ZNF174: variants seen among roughly 807,000 people sequenced by gnomAD.
The protein encoded by ZNF174 is zinc finger protein 174.
ZNF174 carries 30 observed loss-of-function variants against 38.7 expected under a neutral mutation model. That is an observed-to-expected ratio of 0.78 (90% confidence interval 0.58 to 1.05). The LOEUF is 1.05. Among genes scored for constraint, ZNF174 ranks in the 50% least tolerant of loss-of-function variants. The pLI is 0.00. For synonymous variants in ZNF174, 201 were observed against 181.7 expected (o/e 1.11, Z -0.86); for missense variants, 499 against 495.6 (o/e 1.01, Z -0.06).
Position 3,401,588 on chromosome 16 carries a change from G to C in ZNF174, c.-417G>C, listed in dbSNP as rs2033902358. 5.5e-6 allele frequency: 1 copy of C among 181,828 alleles called. No homozygotes were observed. Among genetic ancestry groups the C allele is most frequent in the African/African-American group, 2.4e-5 (1 of 41,630 alleles). 11.3% of individuals were successfully genotyped at this position (181,828 alleles called of 1,614,324 possible). A position where few individuals can be genotyped will look rare whatever the true frequency, so the allele number is the denominator to read the frequency against. Reference sequence around the variant, plus strand: ...CATGCACCCGGTCGGTTTCCGCCAGGATGCGGGAGAGTTGGGGCAAGCTAC... The same window carrying C: ...CATGCACCCGGTCGGTTTCCGCCAGCATGCGGGAGAGTTGGGGCAAGCTAC... On this transcript the variant is annotated 5_prime_UTR_variant, in exon 1 of 3. Transcript: ENST00000268655.
In ZNF174 at chr16:3,404,918, T is replaced by C. The variant is rs769899890; in HGVS notation, c.625+270T>C. 7.4e-6 allele frequency: 12 copies of C among 1,613,888 alleles called. No homozygotes were observed. The African/African-American group carries it at 9.3e-5, about 13-fold the overall frequency. ...TTTCTGTCCGTTTCAGAACTTCTTA[T>C]AGAAAAGACAGATCCAAATATGGCC... is the stretch of plus-strand genomic sequence containing the variant. On this transcript the variant is annotated intron_variant, in intron 2 of 2. Coordinates refer to ENST00000268655, the MANE Select transcript of ZNF174 (RefSeq NM_003450.3).
rs761370430 is a variant in ZNF174, at chr16:3,404,961, C to T, written c.625+313C>T. ...ATATGGCCACAGATGAACTTCCATGCAAGCTATGGCTGAGTTTCATTGCTT... is the reference window on the plus strand; with the variant it reads ...ATATGGCCACAGATGAACTTCCATGTAAGCTATGGCTGAGTTTCATTGCTT... On this transcript the variant is annotated intron_variant, in intron 2 of 2. Coordinates refer to ENST00000268655, the MANE Select transcript of ZNF174 (RefSeq NM_003450.3). 3.1e-6 allele frequency: 5 copies of T among 1,614,154 alleles called. No homozygotes were observed. In the East Asian group the frequency reaches 6.7e-5, roughly 22 times the overall value.
In ZNF174 at chr16:3,408,943, T is replaced by G. The variant is rs904120004; in HGVS notation, c.*24T>G. 3.2e-6 allele frequency: 5 copies of G among 1,570,116 alleles called. No individual in the cohort carries two copies. The Admixed American group carries it at 9.2e-5, about 29-fold the overall frequency. On this transcript the variant is annotated 3_prime_UTR_variant, in exon 3 of 3. Coordinates refer to ENST00000268655, the MANE Select transcript of ZNF174 (RefSeq NM_003450.3). The stretch of plus-strand genomic sequence containing the variant: ...AAAAGGAGCACTCCATGCTTTAGAT[T>G]CACACGGAAGGTGTTTGTGTTTCTC...
In ZNF174 at chr16:3,408,395, G is replaced by A. The variant is rs765947312; in HGVS notation, c.700G>A (p.Val234Met). The A allele has an allele frequency of 5.0e-6, 8 of 1,614,094 alleles. No individual in the cohort carries two copies. The South Asian group carries it at 8.8e-5, about 18-fold the overall frequency. ...GGCTAAAGGAGCAAAGCCATGTGCAGTGTCAGCTGGCAGATCCAAAGGGAA... is the reference window on the plus strand; with the variant it reads ...GGCTAAAGGAGCAAAGCCATGTGCAATGTCAGCTGGCAGATCCAAAGGGAA... ...EGAKGAKPCA[V>M]SAGRSKGNGL... The change falls in exon 3 of 3, where the codon GTG (valine) becomes ATG (methionine). Residue 234 changes from valine (V) to methionine (M), a missense_variant. Physicochemically the swap from Val to Met is conservative, Grantham distance 21. Coordinates refer to ENST00000268655, the MANE Select transcript of ZNF174 (RefSeq NM_003450.3).
rs556264127 is a variant in ZNF174 at position 3,401,907 on chromosome 16, G to A, written c.-98G>A. The A allele has an allele frequency of 1.2e-4, 178 of 1,458,044 alleles. 1 individual carries two copies. The South Asian group carries it at 2.1e-3, about 17-fold the overall frequency. The allele number at this position is 1,458,044 out of a possible 1,614,324, so 90.3% of individuals were successfully genotyped here. ...CCCCTAACATCCTCAGAGAACCTTC[G>A]TTTCTAGAATCTTTCTAGTATTCAG... On this transcript the variant is annotated 5_prime_UTR_variant, in exon 1 of 3. Transcript: ENST00000268655.
At position 3,408,690 on chromosome 16, in the gene ZNF174, G is replaced by A. The variant is rs140726491; in HGVS notation, c.995G>A (p.Gly332Glu). ...AKKPYKCDDC[G>E]KSFTWNSELK... ...AAACCCTACAAATGTGATGACTGTG[G>A]GAAAAGCTTCACGTGGAATTCAGAG... Residue 332 changes from glycine (G) to glutamate (E), a missense_variant, in exon 3 of 3, where the codon GGG becomes GAG. Gly to Glu is a moderately conservative substitution (Grantham distance 98). Coordinates refer to ENST00000268655, the MANE Select transcript of ZNF174 (RefSeq NM_003450.3). 20 of 1,614,016 alleles carry A rather than the reference G, an allele frequency of 1.2e-5. No individual in the cohort carries two copies. The African/African-American group carries it at 2.4e-4, about 19-fold the overall frequency.
chr16:3,405,822 C>T (rs1245896157), intron 2 of ZNF174, among the ~76,000 whole-genome samples: 1 of 152,166 alleles, frequency 6.6e-6, no homozygotes, highest in East Asian at 1.9e-4. Flanking sequence ...GCCTGGGCAA[C>T]ATGGCGAAAT....
At chr16:3,404,700 T>C (rs752384373) in intron 2 of ZNF174, 52 bp downstream of exon 2, 12 of 1,605,114 alleles carry the variant, frequency 7.5e-6, no homozygotes, top group African/African-American at 4.0e-5. Context: ...TCTCCATCAA[T>C]GTATCTCATG....
chr16:3,404,631 C>T lies in ZNF174; in HGVS notation c.608C>T (p.Pro203Leu). Residue 203 changes from proline (P) to leucine (L), a missense_variant, in exon 2 of 3, where the codon CCC (proline) becomes CTC (leucine). By Grantham distance (98) the Pro-to-Leu change is moderately conservative. Transcript: ENST00000268655. ...EKSPLLQEPTPKLAGTEAPRM... is the reference protein window; with the variant it reads ...EKSPLLQEPTLKLAGTEAPRM... ...TCCCCACTCCTCCAAGAACCAACCC[C>T]CAAATTGGCTGGGACAGGTAAACAC... 1 of 1,614,220 alleles carries T rather than the reference C, an allele frequency of 6.2e-7. No individual in the cohort carries two copies. Among genetic ancestry groups the T allele is most frequent in the Non-Finnish European group, 8.5e-7 (1 of 1,180,042 alleles).
At chr16:3,403,377 G>T (rs1462856791) in intron 1 of ZNF174, among the ~76,000 whole-genome samples, 1 of 151,336 alleles carries the variant, frequency 6.6e-6, no homozygotes, top group Admixed American at 6.6e-5. Flanking sequence ...CACTATGTTG[G>T]CCAGGCTAGT....
intron 1 of ZNF174, 64 bp from the exon 2 acceptor site, chr16:3,404,362 C>G (rs2034018803): frequency 4.1e-6 from 6 of 1,477,662 alleles, no homozygotes; most frequent in Admixed American, 2.2e-5. Context: ...CATTATACAA[C>G]AGTGAGAGAT....
Position 3,408,359 on chromosome 16 carries a change from C to T in ZNF174, c.664C>T (p.Gln222Ter). ...RMRSDNKENP[Q>*]QEGAKGAKPC... ...GAGAAGTGACAACAAGGAAAATCCA[C>T]AACAGGAAGGGGCTAAAGGAGCAAA... The change falls in exon 3 of 3, where the codon CAA (glutamine) becomes TAA (stop). Residue 222 changes from glutamine (Q) to a stop codon, truncating the protein, a stop_gained. Transcript: ENST00000268655. LOFTEE classifies it high-confidence loss of function. The T allele has an allele frequency of 1.9e-6, 3 of 1,605,132 alleles. No homozygotes were observed. Among genetic ancestry groups the T allele is most frequent in the Non-Finnish European group, 2.6e-6 (3 of 1,176,174 alleles).
At chr16:3,407,427 C>T (rs2034070385) in intron 2 of ZNF174, among the ~76,000 whole-genome samples, 1 of 152,072 alleles carries the variant, frequency 6.6e-6, no homozygotes, top group Non-Finnish European at 1.5e-5. Context: ...ATTCTTTTCC[C>T]ATTGAATTGT....
intron 2 of ZNF174, chr16:3,405,212 A>C: frequency 1.3e-6 from 1 of 767,898 alleles, no homozygotes; most frequent in Non-Finnish European, 1.9e-6. Flanking sequence ...TGAATACAAG[A>C]TACAGTGAGC....
In ZNF174 at chr16:3,408,930, C is replaced by G; in HGVS notation, c.*11C>G. The G allele has an allele frequency of 6.3e-7, 1 of 1,588,084 alleles. No individual in the cohort carries two copies. The highest frequency in any genetic ancestry group is 8.6e-7 in the Non-Finnish European group (1 of 1,165,828). On this transcript the variant is annotated 3_prime_UTR_variant, in exon 3 of 3. Coordinates refer to ENST00000268655, the MANE Select transcript of ZNF174 (RefSeq NM_003450.3). ...CACCATGGGGACTAAAAGGAGCACT[C>G]CATGCTTTAGATTCACACGGAAGGT...
intron 1 of ZNF174, 28 bp downstream of exon 1, chr16:3,402,434 G>T (rs536730669): frequency 6.4e-7 from 1 of 1,558,728 alleles, no homozygotes; most frequent in South Asian, 1.2e-5. Context: ...CCATCATCCT[G>T]GGGATTTCTT....
rs1362288624 is a variant in ZNF174 at position 3,408,664 on chromosome 16, G to C, written c.969G>C (p.Lys323Asn). 6.2e-7 allele frequency: 1 copy of C among 1,614,052 alleles called. No individual in the cohort carries two copies. The highest frequency in any genetic ancestry group is 8.5e-7 in the Non-Finnish European group (1 of 1,180,030). Reference sequence around the variant, plus strand: ...GTCACCAGCCCACCCGCTCAGCAAAGAAACCCTACAAATGTGATGACTGTG... The same window carrying C: ...GTCACCAGCCCACCCGCTCAGCAAACAAACCCTACAAATGTGATGACTGTG... ...HLGHQPTRSA[K>N]KPYKCDDCGK... Residue 323 changes from lysine (K) to asparagine (N), a missense_variant, in exon 3 of 3, where the codon AAG (lysine) becomes AAC (asparagine). By Grantham distance (94) the Lys-to-Asn change is moderately conservative (BLOSUM62 0). Transcript: ENST00000268655.
chr16:3,408,943 TCACACGGAAG>T lies in ZNF174; in HGVS notation c.*25_*34del. On this transcript the variant is annotated 3_prime_UTR_variant, in exon 3 of 3. Transcript: ENST00000268655. ...AAAAGGAGCACTCCATGCTTTAGAT[TCACACGGAAG>T]GTGTTTGTGTTTCTCCTCCCCCTTA... 6.4e-7 allele frequency: 1 copy of T among 1,570,116 alleles called. No homozygotes were observed. The highest frequency in any genetic ancestry group is 8.6e-7 in the Non-Finnish European group (1 of 1,156,416).
intron 2 of ZNF174, among the ~76,000 whole-genome samples, chr16:3,407,130 G>A (rs929467102): frequency 6.6e-6 from 1 of 152,176 alleles, no homozygotes; most frequent in Non-Finnish European, 1.5e-5. Context: ...CAGCAGATTT[G>A]GTGTCTGGCG....
Sources: gnomAD v4.1 joint callset for allele counts (sites outside exome capture counted in the v4.1 genomes callset) on GRCh38, gnomAD v4.1.1 for gene constraint, MANE v1.5 for transcripts, NCBI Gene and HGNC (gene_info 2026-07-23, HGNC 2026-07-21) for gene names.